Variants in ZNF131 observed in about 807,000 individuals in gnomAD.
ZNF131 encodes the protein zinc finger and BTB domain containing 35.
A neutral mutation model predicts 60.0 loss-of-function variants in ZNF131; 7 were observed. The observed-to-expected ratio is 0.12, with a 90% CI of 0.07 to 0.22. The LOEUF is 0.22. Ranked by LOEUF, ZNF131 falls within the 10% of genes least tolerant of loss-of-function variation. The pLI is 1.00. For synonymous variants in ZNF131, 257 were observed against 253.2 expected, an observed-to-expected ratio of 1.01 and a Z score of -0.14; for missense variants, 493 against 740.9, an observed-to-expected ratio of 0.67 and a Z score of 3.88.
chr5:43,170,667 C>T (rs1287580718), intron 5 of ZNF131, among the ~76,000 whole-genome samples: 20 of 149,014 alleles, frequency 1.3e-4, no homozygotes, highest in Non-Finnish European at 1.0e-4. Context: ...GAGTCTCACT[C>T]GGTCACCCAG....
chr5:43,123,382 A>G, intron 3 of ZNF131, 72 bp downstream of exon 3: 1 of 1,323,608 alleles, frequency 7.6e-7, no homozygotes, highest in Non-Finnish European at 1.0e-6. Context: ...TGTTTTAAAT[A>G]CAATACTTAG....
At chr5:43,146,040 T>C (rs1389724444) in intron 4 of ZNF131, among the ~76,000 whole-genome samples, 1 of 152,134 alleles carries the variant, frequency 6.6e-6, no homozygotes, top group African/African-American at 2.4e-5. Flanking sequence ...ACAAAAGCAA[T>C]AACCAAGGGC....
intron 4 of ZNF131, among the ~76,000 whole-genome samples, chr5:43,155,807 T>A (rs761970981): frequency 4.6e-5 from 7 of 152,228 alleles, no homozygotes; most frequent in Admixed American, 1.3e-4. Context: ...TCTATCTTTA[T>A]AAACTTTACC....
chr5:43,126,373 C>T (rs966487735), intron 3 of ZNF131, among the ~76,000 whole-genome samples: 1 of 152,200 alleles, frequency 6.6e-6, no homozygotes, highest in Non-Finnish European at 1.5e-5. Flanking sequence ...TCAAAACCTT[C>T]GTATTGCTGT....
intron 5 of ZNF131, among the ~76,000 whole-genome samples, chr5:43,168,821 A>G (rs948387866): frequency 3.9e-5 from 6 of 152,190 alleles, no homozygotes; most frequent in Admixed American, 6.5e-5. Context: ...AACATTAGGT[A>G]GCCTGGATCA....
intron 4 of ZNF131, among the ~76,000 whole-genome samples, chr5:43,156,996 G>A (rs773561320): frequency 1.3e-5 from 2 of 152,128 alleles, no homozygotes; most frequent in Admixed American, 6.6e-5. Context: ...ACAAGAATTC[G>A]TATTACTTTG....
intron 3 of ZNF131, among the ~76,000 whole-genome samples, chr5:43,125,801 G>A (rs1744474891): frequency 6.6e-6 from 1 of 151,872 alleles, no homozygotes; most frequent in African/African-American, 2.4e-5. Flanking sequence ...AAAAGGAAAA[G>A]TGGCCCAAGC....
At chr5:43,167,180 A>G (rs1252751299) in intron 5 of ZNF131, among the ~76,000 whole-genome samples, 1 of 152,200 alleles carries the variant, frequency 6.6e-6, no homozygotes, top group Non-Finnish European at 1.5e-5. Context: ...TGAAGTAGTA[A>G]CATCAAAGAT....
At chr5:43,135,519 C>T (rs546415513) in intron 3 of ZNF131, among the ~76,000 whole-genome samples, 15 of 151,334 alleles carry the variant, frequency 9.9e-5, no homozygotes, top group Non-Finnish European at 1.5e-4. Context: ...GAGGCGGAGG[C>T]GGGTGGATTG....
intron 5 of ZNF131, among the ~76,000 whole-genome samples, chr5:43,169,481 C>T (rs779903489): frequency 1.3e-5 from 2 of 152,202 alleles, no homozygotes; most frequent in African/African-American, 2.4e-5. Flanking sequence ...TAGCCATAGA[C>T]GCTCAGGTAC....
intron 4 of ZNF131, among the ~76,000 whole-genome samples, chr5:43,152,753 A>G (rs947919243): frequency 6.6e-6 from 1 of 151,972 alleles, no homozygotes; most frequent in South Asian, 2.1e-4. Flanking sequence ...GACTGTAGAC[A>G]TGTGCCACCA....
intron 3 of ZNF131, among the ~76,000 whole-genome samples, chr5:43,130,647 C>A (rs1387433456): frequency 1.3e-5 from 2 of 151,838 alleles, no homozygotes; most frequent in African/African-American, 4.8e-5. Context: ...TCACCGCAAC[C>A]TCCGCCTCCC....
At chr5:43,152,037 G>C (rs895130552) in intron 4 of ZNF131, among the ~76,000 whole-genome samples, 1 of 151,080 alleles carries the variant, frequency 6.6e-6, no homozygotes, top group Admixed American at 6.6e-5. Flanking sequence ...ATGGAGTCCC[G>C]CTCTGTCGCC....
intron 4 of ZNF131, among the ~76,000 whole-genome samples, chr5:43,160,117 A>G (rs1187134705): frequency 6.6e-6 from 1 of 151,748 alleles, no homozygotes; most frequent in Non-Finnish European, 1.5e-5. Flanking sequence ...CGGAGCTTAC[A>G]GTGAGCCAAG....
At chr5:43,150,220 A>G (rs1748125931) in intron 4 of ZNF131, among the ~76,000 whole-genome samples, 1 of 152,188 alleles carries the variant, frequency 6.6e-6, no homozygotes, top group Non-Finnish European at 1.5e-5. Flanking sequence ...CTGTAGAGGA[A>G]ACATTATTAT....
intron 4 of ZNF131, among the ~76,000 whole-genome samples, chr5:43,150,064 C>T (rs1261312356): frequency 6.6e-6 from 1 of 152,152 alleles, no homozygotes; most frequent in Non-Finnish European, 1.5e-5. Context: ...GTTTCTTGTT[C>T]CCTGTCCCCC....
intron 3 of ZNF131, among the ~76,000 whole-genome samples, chr5:43,133,616 C>A (rs1745647711): frequency 6.6e-6 from 1 of 152,148 alleles, no homozygotes; most frequent in Non-Finnish European, 1.5e-5. Context: ...AAGAGATGTC[C>A]ATGAATTGTC....
intron 3 of ZNF131, among the ~76,000 whole-genome samples, chr5:43,132,223 A>G (rs1745449680): frequency 6.6e-6 from 1 of 152,178 alleles, no homozygotes. Context: ...TCCTTGGGCT[A>G]CTCTCATATA....
chr5:43,158,374 C>T (rs1190651027), intron 4 of ZNF131, among the ~76,000 whole-genome samples: 1 of 152,226 alleles, frequency 6.6e-6, no homozygotes, highest in Non-Finnish European at 1.5e-5. Context: ...ACCACAACCT[C>T]CACCTCCTGG....
Sources: gnomAD v4.1 joint callset for allele counts (sites outside exome capture counted in the v4.1 genomes callset) on GRCh38, gnomAD v4.1.1 for gene constraint, MANE v1.5 for transcripts, NCBI Gene and HGNC (gene_info 2026-07-23, HGNC 2026-07-21) for gene names.